RBFOX1: variants seen among roughly 807,000 people sequenced by gnomAD.
The protein encoded by RBFOX1 is RNA binding protein fox-1 homolog 1.
A neutral mutation model predicts 57.7 loss-of-function variants in RBFOX1; 8 were observed. The observed-to-expected ratio is 0.14, with a 90% confidence interval of 0.08 to 0.25. The LOEUF (loss-of-function observed/expected upper bound fraction) is 0.25, where lower values mean the gene tolerates loss of function less well. Among genes scored for constraint, RBFOX1 ranks in the 10% least tolerant of loss-of-function variants. The pLI, the probability that RBFOX1 is intolerant of heterozygous loss-of-function variation, is 1.00. For synonymous variants in RBFOX1, 326 were observed against 222.4 expected (o/e 1.47, Z -4.15); for missense variants, 611 against 548.5 (o/e 1.11, Z -1.14).
chr16:7,122,654 T>C (rs1365805160), intron 4 of RBFOX1, among the ~76,000 whole-genome samples: 2 of 152,146 alleles, frequency 1.3e-5, no homozygotes, highest in Non-Finnish European at 2.9e-5. Context: ...TCTTAAAACA[T>C]TTTGACAGTC....
chr16:6,746,688 A>G (rs2073743618), intron 3 of RBFOX1, among the ~76,000 whole-genome samples: 1 of 152,136 alleles, frequency 6.6e-6, no homozygotes, highest in South Asian at 2.1e-4. Flanking sequence ...AGGGAAAAAA[A>G]AAAAGTGTTG....
chr16:7,091,376 T>C (rs1599220812), intron 4 of RBFOX1, among the ~76,000 whole-genome samples: 1 of 152,098 alleles, frequency 6.6e-6, no homozygotes, highest in East Asian at 1.9e-4. Context: ...TTTTTTTTTT[T>C]AGAAATATCA....
intron 2 of RBFOX1, among the ~76,000 whole-genome samples, chr16:6,480,153 T>A (rs1029352898): frequency 4.6e-5 from 7 of 152,178 alleles, no homozygotes; most frequent in African/African-American, 1.7e-4. Context: ...TACCTGAGTT[T>A]GAGAGCTCCT....
intron 3 of RBFOX1, among the ~76,000 whole-genome samples, chr16:6,685,951 G>T (rs919338041): frequency 4.6e-5 from 7 of 151,942 alleles, no homozygotes; most frequent in Admixed American, 4.6e-4. Flanking sequence ...GTACACTTAG[G>T]TTGATTCCAA....
intron 4 of RBFOX1, among the ~76,000 whole-genome samples, chr16:7,060,316 A>G (rs1273126701): frequency 6.6e-6 from 1 of 152,178 alleles, no homozygotes; most frequent in African/African-American, 2.4e-5. Context: ...TGGTGACTGA[A>G]ATGTTAGTGA....
chr16:5,772,394 C>CT (rs1384959112), intron 3 of RBFOX1, among the ~76,000 whole-genome samples: 14 of 152,248 alleles, frequency 9.2e-5, no homozygotes, highest in African/African-American at 3.1e-4. Flanking sequence ...AACCCACTGA[C>CT]TTGGGATTTC....
Position 5,972,300 on chromosome 16 carries a change from T to C in RBFOX1, c.351+104965T>C, listed in dbSNP as rs372877827. Among the ~76,000 whole-genome samples, 90 of 152,326 alleles carry C rather than the reference T, an allele frequency of 5.9e-4. 1 individual carries two copies. Among genetic ancestry groups the C allele is most frequent in the African/African-American group, 2.0e-3 (84 of 41,572 alleles). ...AAGTGGATTCCTAGAAAAAATGTTA[T>C]TTCCATAGGCTACACATGGAAAAAG... On this transcript the variant is annotated intron_variant, in intron 4 of 19. Coordinates refer to the RBFOX1 transcript ENST00000641259.
At chr16:6,521,030 C>T in intron 2 of RBFOX1, among the ~76,000 whole-genome samples, 1 of 152,010 alleles carries the variant, frequency 6.6e-6, no homozygotes, top group Admixed American at 6.6e-5. Flanking sequence ...ATATCAAAAC[C>T]TTTTTACAAT....
intron 4 of RBFOX1, among the ~76,000 whole-genome samples, chr16:7,355,048 A>C (rs898015781): frequency 1.3e-5 from 2 of 152,222 alleles, no homozygotes; most frequent in South Asian, 2.1e-4. Context: ...TGTGCTAAGC[A>C]TTTAACGCAT....
At chr16:7,291,621 C>G (rs2095776554) in intron 4 of RBFOX1, among the ~76,000 whole-genome samples, 1 of 151,990 alleles carries the variant, frequency 6.6e-6, no homozygotes. Flanking sequence ...AGAGGAAGAG[C>G]AGCATGTGCA....
chr16:5,880,170 TG>T (rs2057727575), intron 4 of RBFOX1, among the ~76,000 whole-genome samples: 1 of 152,192 alleles, frequency 6.6e-6, no homozygotes, highest in Non-Finnish European at 1.5e-5. Flanking sequence ...GTCACTGCAG[TG>T]TCAGTCTTTC....
intron 3 of RBFOX1, among the ~76,000 whole-genome samples, chr16:6,972,950 C>A (rs543628519): frequency 6.6e-6 from 1 of 152,088 alleles, no homozygotes; most frequent in South Asian, 2.1e-4. Context: ...ATGGTGAAAC[C>A]CCATCTCAAC....
chr16:7,593,145 C>T (rs1035351274), intron 7 of RBFOX1, among the ~76,000 whole-genome samples: 6 of 152,208 alleles, frequency 3.9e-5, no homozygotes, highest in East Asian at 1.9e-4. Context: ...TTCGATCACA[C>T]GTAGTGAAAT....
intron 4 of RBFOX1, among the ~76,000 whole-genome samples, chr16:7,469,179 C>A (rs145021161): frequency 6.6e-6 from 1 of 152,088 alleles, no homozygotes; most frequent in Non-Finnish European, 1.5e-5. Context: ...CATGATCTAC[C>A]CGACTTGGCC....
At chr16:5,752,153 C>T (rs2053231386) in intron 3 of RBFOX1, among the ~76,000 whole-genome samples, 1 of 152,170 alleles carries the variant, frequency 6.6e-6, no homozygotes, top group East Asian at 1.9e-4. Flanking sequence ...CTATTGTCCT[C>T]AGCAAACTGG....
intron 3 of RBFOX1, among the ~76,000 whole-genome samples, chr16:6,743,250 A>T (rs2072728955): frequency 1.3e-5 from 2 of 152,224 alleles, no homozygotes; most frequent in African/African-American, 4.8e-5. Context: ...GTGAAACAAG[A>T]CACAAAAAAG....
chr16:6,661,641 G>A (rs916669565), intron 3 of RBFOX1, among the ~76,000 whole-genome samples: 1 of 152,180 alleles, frequency 6.6e-6, no homozygotes, highest in Non-Finnish European at 1.5e-5. Context: ...CCCAGAGAAA[G>A]ACCCAGAGAC....
At chr16:7,627,388 G>C (rs1053777963) in intron 10 of RBFOX1, among the ~76,000 whole-genome samples, 1 of 152,194 alleles carries the variant, frequency 6.6e-6, no homozygotes, top group Admixed American at 6.5e-5. Flanking sequence ...CTAAAGAATG[G>C]GTAGGTAGTG....
intron 4 of RBFOX1, among the ~76,000 whole-genome samples, chr16:7,317,084 G>C (rs2096458211): frequency 6.6e-6 from 1 of 152,016 alleles, no homozygotes; most frequent in African/African-American, 2.4e-5. Context: ...AGAGAATAGA[G>C]GGAGACAAGA....
Sources: gnomAD v4.1 joint callset for allele counts (sites outside exome capture counted in the v4.1 genomes callset) on GRCh38, gnomAD v4.1.1 for gene constraint, MANE v1.5 for transcripts, NCBI Gene and HGNC (gene_info 2026-07-23, HGNC 2026-07-21) for gene names.